The following AHCTF1 variants were observed in gnomAD, a reference collection of about 807,000 sequenced individuals.
AHCTF1 encodes the protein protein ELYS.
A neutral mutation model predicts 248.4 loss-of-function variants in AHCTF1; 24 were observed. The ratio of observed to expected loss-of-function variants is 0.10; its 90% CI spans 0.07 to 0.14. The LOEUF (loss-of-function observed/expected upper bound fraction) is 0.14. AHCTF1 is among the 10% of genes least tolerant of loss of function. The pLI, the probability that AHCTF1 is intolerant of heterozygous loss-of-function variation, is 1.00. For missense variants in AHCTF1, 2,206 were observed against 2,636.2 expected (o/e 0.84, Z 3.57); for synonymous variants, 786 against 929.8 (o/e 0.85, Z 2.81).
chr1:246,909,466 C>T (rs930089594), intron 4 of AHCTF1, among the ~76,000 whole-genome samples: 1 of 147,614 alleles, frequency 6.8e-6, no homozygotes, highest in East Asian at 2.0e-4. Flanking sequence ...CTGCTACCAT[C>T]AAAGGGACAT....
rs374608822 is a variant in AHCTF1, at chr1:246,903,660, C to G, written c.966+289G>C. ...CTGGCCAAGATGGTGAGACCCCCCC[C>G]CCTCCGTCTCTGCTAAATATACAAA... On this transcript the variant is annotated intron_variant, in intron 7 of 35. Coordinates refer to ENST00000648844, the MANE Select transcript of AHCTF1 (RefSeq NM_001323342.2). Among the ~76,000 whole-genome samples, 1,025 of 117,248 alleles carry G rather than the reference C, an allele frequency of 8.7e-3. 42 individuals are homozygous for G. The South Asian group carries it at 0.11, about 13-fold the overall frequency. 76.9% of individuals were successfully genotyped at this position (117,248 alleles called of 152,430 possible).
At chr1:246,878,270 GC>G (rs1301112820) in intron 21 of AHCTF1, among the ~76,000 whole-genome samples, 3 of 151,576 alleles carry the variant, frequency 2.0e-5, no homozygotes, top group Non-Finnish European at 4.4e-5. Flanking sequence ...GGTGGTGTGT[GC>G]CTGTAGTCCC....
intron 24 of AHCTF1, among the ~76,000 whole-genome samples, chr1:246,868,117 A>T (rs1461966555): frequency 1.3e-5 from 2 of 148,356 alleles, no homozygotes; most frequent in Non-Finnish European, 1.5e-5. Flanking sequence ...CATGGCCACC[A>T]AGCCCGGCTA....
At chr1:246,858,878 T>C (rs1305327949) in intron 29 of AHCTF1, among the ~76,000 whole-genome samples, 3 of 152,078 alleles carry the variant, frequency 2.0e-5, no homozygotes, top group African/African-American at 7.2e-5. Flanking sequence ...GATAATGCTA[T>C]GAACATTCTT....
chr1:246,905,895 C>G (rs1255054326), intron 5 of AHCTF1, among the ~76,000 whole-genome samples: 2 of 152,100 alleles, frequency 1.3e-5, no homozygotes, highest in Non-Finnish European at 2.9e-5. Context: ...TGCAGTCAAG[C>G]GGATGCATTT....
chr1:246,853,265 G>C lies in AHCTF1; in HGVS notation c.4389C>G (p.Ser1463=). 1 of 1,613,712 alleles carries C rather than the reference G, an allele frequency of 6.2e-7. No individual in the cohort carries two copies. The highest frequency in any genetic ancestry group is 8.5e-7 in the Non-Finnish European group (1 of 1,179,836). The change falls in exon 32 of 36, where the codon TCC becomes TCG. Residue 1463 remains serine (S), a synonymous_variant. Coordinates refer to ENST00000648844, the MANE Select transcript of AHCTF1 (RefSeq NM_001323342.2). ...MADVLGDGGN[S]SLTISEGPIV... is the part of the protein sequence containing the mutation. ...TAGGACCTTCAGAGATAGTGAGCGAGGAGTTTCCACCATCACCAAGGACAT... is the reference window on the plus strand; with the variant it reads ...TAGGACCTTCAGAGATAGTGAGCGACGAGTTTCCACCATCACCAAGGACAT...
chr1:246,847,202 T>C (rs1208516039), intron 33 of AHCTF1, among the ~76,000 whole-genome samples: 1 of 151,630 alleles, frequency 6.6e-6, no homozygotes, highest in East Asian at 2.0e-4. Flanking sequence ...GGCAGGAGAA[T>C]TGTTTGAACT....
intron 33 of AHCTF1, among the ~76,000 whole-genome samples, chr1:246,845,124 A>G (rs1198604744): frequency 6.6e-6 from 1 of 152,242 alleles, no homozygotes; most frequent in Non-Finnish European, 1.5e-5. Flanking sequence ...AAATAAAATC[A>G]CAGTTCATGT....
intron 6 of AHCTF1, 103 bp from the exon 7 acceptor site, chr1:246,904,136 CAA>C: frequency 1.1e-6 from 1 of 893,540 alleles, no homozygotes; most frequent in Non-Finnish European, 1.8e-6. Context: ...GTGCATGTGA[CAA>C]AACTAAAATC....
rs756851524 is a variant in AHCTF1 at position 246,850,806 on chromosome 1, C to T, written c.5200G>A (p.Val1734Met). 12 of 1,613,712 alleles carry T rather than the reference C, an allele frequency of 7.4e-6. No homozygotes were observed. The highest frequency in any genetic ancestry group is 6.7e-5 in the Admixed American group (4 of 59,984). ...CTCGTACGAGTTTTGGAGGAAACCA[C>T]GTCATCAACCTGGCTGACATTCATA... is the stretch of plus-strand genomic sequence containing the variant. The part of the protein sequence containing the change: ...MTMNVSQVDD[V>M]VSSKTRTRGQ... The change falls in exon 33 of 36, where the codon GTG (valine) becomes ATG (methionine). Residue 1734 changes from valine to methionine, a missense_variant. Around this residue, in one of 6 missense-constraint regions of AHCTF1, gnomAD observed 955 missense variants for 1,055.6 expected, o/e 0.90. Transcript: ENST00000648844.
At chr1:246,920,769 C>CAA (rs770845244) in intron 1 of AHCTF1, among the ~76,000 whole-genome samples, 9 of 110,748 alleles carry the variant, frequency 8.1e-5, no homozygotes, top group African/African-American at 2.7e-4. Context: ...AACACTGTCT[C>CAA]AAAAAAAAAA....
chr1:246,895,786 T>A, intron 13 of AHCTF1, 49 bp downstream of exon 13: 1 of 1,427,438 alleles, frequency 7.0e-7, no homozygotes, highest in Non-Finnish European at 9.7e-7. Flanking sequence ...AAATAGCAAG[T>A]TGATAACTTT....
intron 35 of AHCTF1, among the ~76,000 whole-genome samples, chr1:246,842,360 T>C (rs986428369): frequency 7.9e-5 from 12 of 151,906 alleles, no homozygotes; most frequent in South Asian, 4.2e-4. Flanking sequence ...GGCAGGCGGA[T>C]CACTTGAGAC....
chr1:246,923,222 C>A (rs1310950090), intron 1 of AHCTF1, among the ~76,000 whole-genome samples: 2 of 151,512 alleles, frequency 1.3e-5, no homozygotes, highest in Admixed American at 6.6e-5. Flanking sequence ...TGAGACCAGC[C>A]TGACTAACAT....
chr1:246,900,120 G>A lies in AHCTF1; in HGVS notation c.1377C>T (p.Val459=). 6.2e-7 allele frequency: 1 copy of A among 1,607,938 alleles called. No individual in the cohort carries two copies. The highest frequency in any genetic ancestry group is 1.1e-5 in the South Asian group (1 of 89,622). ...GCTCGGGAGGTGGATATGAAGGAGG[G>A]ACTCCTCTATTTAAACTTCTCTCAT... The part of the protein sequence containing the change: ...LVHERSLNRG[V]PPSYPPPEQF... Residue 459 remains valine (V), a synonymous_variant, in exon 10 of 36, where the codon GTC becomes GTT. Transcript: ENST00000648844.
At chr1:246,894,028 A>C (rs950270267) in intron 14 of AHCTF1, among the ~76,000 whole-genome samples, 1 of 152,090 alleles carries the variant, frequency 6.6e-6, no homozygotes, top group Non-Finnish European at 1.5e-5. Flanking sequence ...ATATAGTGAG[A>C]CCATGTCTCT....
At chr1:246,858,592 G>A (rs1661280952) in intron 29 of AHCTF1, among the ~76,000 whole-genome samples, 1 of 152,070 alleles carries the variant, frequency 6.6e-6, no homozygotes, top group Non-Finnish European at 1.5e-5. Context: ...CACTCTGGGA[G>A]GCTGAGGCAG....
chr1:246,907,451 C>A lies in AHCTF1; in HGVS notation c.764+100G>T, dbSNP rs190725384. 4 of 1,047,854 alleles carry A rather than the reference C, an allele frequency of 3.8e-6. No individual in the cohort carries two copies. The Admixed American group carries it at 8.7e-5, about 23-fold the overall frequency. 64.9% of individuals were successfully genotyped at this position (1,047,854 alleles called of 1,614,324 possible). A position where few individuals can be genotyped will look rare whatever the true frequency, so the allele number is the denominator to read the frequency against. On this transcript the variant is annotated intron_variant, in intron 5 of 35. Coordinates refer to ENST00000648844, the MANE Select transcript of AHCTF1 (RefSeq NM_001323342.2). Reference sequence around the variant, plus strand: ...TTCATTCAATCATTAATCTACCCACCCTTTTCTCACTATGCTAACTTTCAA... The same window carrying A: ...TTCATTCAATCATTAATCTACCCACACTTTTCTCACTATGCTAACTTTCAA...
At chr1:246,923,531 C>A (rs949546055) in intron 1 of AHCTF1, among the ~76,000 whole-genome samples, 1 of 152,138 alleles carries the variant, frequency 6.6e-6, no homozygotes, top group Non-Finnish European at 1.5e-5. Context: ...AATCTAGACA[C>A]AGAATCACTA....
Sources: gnomAD v4.1 joint callset for allele counts (sites outside exome capture counted in the v4.1 genomes callset) on GRCh38, gnomAD v4.1.1 for gene constraint, gnomAD v4.1.1 regional missense constraint, MANE v1.5 for transcripts, NCBI Gene and HGNC (gene_info 2026-07-23, HGNC 2026-07-21) for gene names.